The following PIK3R3 variants were observed in gnomAD, a reference collection of about 807,000 sequenced individuals.
PIK3R3 encodes the protein phosphatidylinositol 3-kinase regulatory subunit gamma.
Under a neutral mutation model 62.9 loss-of-function variants are expected in PIK3R3, and 64 were observed. That is an observed-to-expected ratio of 1.02 (90% CI 0.83 to 1.25). The LOEUF is 1.25. PIK3R3 is among the 50% of genes most tolerant of loss of function. PIK3R3 has a pLI of 0.00. For missense variants in PIK3R3, 614 were observed against 561.6 expected, an observed-to-expected ratio of 1.09 and a Z score of -0.94; for synonymous variants, 165 against 189.0, an observed-to-expected ratio of 0.87 and a Z score of 1.04.
the PIK3R3 span, among the ~76,000 whole-genome samples, chr1:46,149,321 C>G: frequency 6.8e-6 from 1 of 148,004 alleles, no homozygotes; most frequent in Non-Finnish European, 1.5e-5. Context: ...ACTTGGGAGG[C>G]TGAGGCGGGA....
At chr1:46,174,614 C>T in the PIK3R3 span, among the ~76,000 whole-genome samples, 3 of 152,224 alleles carry the variant, frequency 2.0e-5, no homozygotes, top group Non-Finnish European at 2.9e-5. Context: ...ATGCATGATG[C>T]AACATATTCG....
At chr1:46,049,100 C>T (rs1647188552) in intron 7 of PIK3R3, among the ~76,000 whole-genome samples, 2 of 150,694 alleles carry the variant, frequency 1.3e-5, no homozygotes, top group Non-Finnish European at 2.9e-5. Flanking sequence ...AGAAAAGATA[C>T]TATATATACA....
chr1:46,161,428 T>C, the PIK3R3 span, among the ~76,000 whole-genome samples: 1 of 152,162 alleles, frequency 6.6e-6, no homozygotes, highest in Non-Finnish European at 1.5e-5. Context: ...TACTCAGTGC[T>C]ATGTCATAAA....
chr1:46,164,932 T>C, the PIK3R3 span, among the ~76,000 whole-genome samples: 7 of 152,148 alleles, frequency 4.6e-5, no homozygotes, highest in African/African-American at 1.7e-4. Context: ...ACTCCTGGGC[T>C]CACAGTATCC....
the PIK3R3 span, among the ~76,000 whole-genome samples, chr1:46,173,923 C>T: frequency 5.9e-3 from 898 of 152,100 alleles, 8 homozygotes; most frequent in African/African-American, 0.021. Flanking sequence ...GTCCCAGGGC[C>T]GCAGGGGCAG....
the PIK3R3 span, among the ~76,000 whole-genome samples, chr1:46,172,883 C>A: frequency 6.6e-6 from 1 of 151,914 alleles, no homozygotes; most frequent in Non-Finnish European, 1.5e-5. Context: ...GTCCCAGCTA[C>A]TAGGGAGGCT....
intron 3 of PIK3R3, among the ~76,000 whole-genome samples, chr1:46,072,284 T>C (rs1013167016): frequency 6.6e-6 from 1 of 152,236 alleles, no homozygotes; most frequent in African/African-American, 2.4e-5. Flanking sequence ...TGCAGAGTAA[T>C]TAGCACTAAG....
intron 1 of PIK3R3, among the ~76,000 whole-genome samples, chr1:46,089,338 G>A (rs1054239809): frequency 3.9e-5 from 6 of 152,248 alleles, no homozygotes; most frequent in Middle Eastern, 6.8e-3. Flanking sequence ...ATTATTTGAT[G>A]TTTAACCATA....
the PIK3R3 span, among the ~76,000 whole-genome samples, chr1:46,152,560 CTTTTTTTTTTT>C: frequency 8.0e-6 from 1 of 124,492 alleles, no homozygotes; most frequent in African/African-American, 3.0e-5. Flanking sequence ...TGATTAACAT[CTTTTTTTTTTT>C]TTTTTTTTTG....
chr1:46,083,059 C>CA (rs2149417421), intron 1 of PIK3R3, among the ~76,000 whole-genome samples: 1 of 152,176 alleles, frequency 6.6e-6, no homozygotes, highest in East Asian at 1.9e-4. Context: ...AGCCTGGAGA[C>CA]AGAGTGAGAT....
chr1:46,050,341 G>T lies in PIK3R3; in HGVS notation c.942-3716C>A, dbSNP rs574613907. ...GCACTTTGGGAGGCTGAGGGAGGTGGATCACCTGAGGTCAGGAGTTCGAGA... is the reference window on the plus strand; with the variant it reads ...GCACTTTGGGAGGCTGAGGGAGGTGTATCACCTGAGGTCAGGAGTTCGAGA... On this transcript the variant is annotated intron_variant, in intron 7 of 9. Coordinates refer to ENST00000262741, the MANE Select transcript of PIK3R3 (RefSeq NM_003629.4). 4.6e-5 allele frequency among the ~76,000 whole-genome samples: 7 copies of T among 152,182 alleles called. No homozygotes were observed. The South Asian group carries it at 1.2e-3, about 27-fold the overall frequency.
chr1:46,092,433 G>A (rs1448100519), intron 1 of PIK3R3, among the ~76,000 whole-genome samples: 4 of 152,088 alleles, frequency 2.6e-5, no homozygotes, highest in South Asian at 4.1e-4. Context: ...GTGCTATCTC[G>A]ACTCACTGCA....
chr1:46,170,699 G>A, the PIK3R3 span, among the ~76,000 whole-genome samples: 55 of 152,322 alleles, frequency 3.6e-4, no homozygotes, highest in Middle Eastern at 3.4e-3. Flanking sequence ...GGGATTACAG[G>A]CGCGAGCCAC....
At chr1:46,173,599 C>T in the PIK3R3 span, among the ~76,000 whole-genome samples, 22 of 152,288 alleles carry the variant, frequency 1.4e-4, no homozygotes, top group South Asian at 1.9e-3. Context: ...GGGCTGCACC[C>T]GCTCATCCGG....
At chr1:46,165,751 C>CTTTTTTTTTTTTTTTTT in the PIK3R3 span, among the ~76,000 whole-genome samples, 2 of 39,554 alleles carry the variant, frequency 5.1e-5, 1 homozygote, top group Non-Finnish European at 9.1e-5. Context: ...CTGCTTTGTC[C>CTTTTTTTTTTTTTTTTT]TTTTTTTTTT....
chr1:46,071,318 G>A (rs184007281), intron 3 of PIK3R3, among the ~76,000 whole-genome samples: 1 of 151,852 alleles, frequency 6.6e-6, no homozygotes, highest in Non-Finnish European at 1.5e-5. Flanking sequence ...CTCTTTCTCT[G>A]GTCCTGTACT....
the PIK3R3 span, among the ~76,000 whole-genome samples, chr1:46,149,328 G>A: frequency 7.3e-5 from 11 of 150,852 alleles, no homozygotes; most frequent in African/African-American, 1.7e-4. Context: ...AGGCTGAGGC[G>A]GGAGAATTGC....
chr1:46,147,427 T>C, the PIK3R3 span, among the ~76,000 whole-genome samples: 1 of 149,766 alleles, frequency 6.7e-6, no homozygotes, highest in Non-Finnish European at 1.5e-5. Flanking sequence ...TTTGTTGTTA[T>C]TGTTGTTTTG....
chr1:46,122,274 G>A (rs1654743076), intron 1 of PIK3R3, among the ~76,000 whole-genome samples: 1 of 152,104 alleles, frequency 6.6e-6, no homozygotes, highest in Non-Finnish European at 1.5e-5. Context: ...CTTACACACA[G>A]TAAAATTAAG....
Sources: gnomAD v4.1 joint callset for allele counts (sites outside exome capture counted in the v4.1 genomes callset) on GRCh38, gnomAD v4.1.1 for gene constraint, MANE v1.5 for transcripts, NCBI Gene and HGNC (gene_info 2026-07-23, HGNC 2026-07-21) for gene names.